The following CLNK variants were observed in gnomAD, a reference collection of about 807,000 sequenced individuals.
The protein encoded by CLNK is cytokine-dependent hematopoietic cell linker.
CLNK carries 74 observed loss-of-function variants against 68.6 expected under a neutral mutation model. The observed-to-expected ratio is 1.08, with a 90% confidence interval of 0.89 to 1.31. The LOEUF (loss-of-function observed/expected upper bound fraction) is 1.31. CLNK is among the 50% of genes most tolerant of loss of function. CLNK has a pLI of 0.00. For missense variants in CLNK, 553 were observed against 515.3 expected (o/e 1.07, Z -0.71); for synonymous variants, 198 against 172.2 (o/e 1.15, Z -1.17).
At chr4:10,730,102 T>C in the CLNK span, among the ~76,000 whole-genome samples, 1 of 152,202 alleles carries the variant, frequency 6.6e-6, no homozygotes, top group African/African-American at 2.4e-5. Flanking sequence ...GTGTTGGCAG[T>C]GGCTGTGGGG....
intron 2 of CLNK, among the ~76,000 whole-genome samples, chr4:10,665,839 T>G (rs1724376151): frequency 6.6e-6 from 1 of 152,062 alleles, no homozygotes; most frequent in Admixed American, 6.6e-5. Flanking sequence ...GACTGAATGG[T>G]GGCCCTACAA....
intron 2 of CLNK, among the ~76,000 whole-genome samples, chr4:10,627,109 C>A (rs1376539955): frequency 6.6e-6 from 1 of 152,116 alleles, no homozygotes; most frequent in African/African-American, 2.4e-5. Flanking sequence ...TTTCCTTTTT[C>A]TTTGAAGCTG....
chr4:10,520,509 G>A (rs1005965960), intron 15 of CLNK, among the ~76,000 whole-genome samples: 1 of 152,182 alleles, frequency 6.6e-6, no homozygotes, highest in African/African-American at 2.4e-5. Flanking sequence ...AGCAATTTCA[G>A]TCTTATGAAG....
intron 2 of CLNK, among the ~76,000 whole-genome samples, chr4:10,633,957 G>A (rs1315856659): frequency 6.6e-6 from 1 of 152,174 alleles, no homozygotes; most frequent in African/African-American, 2.4e-5. Context: ...CAACTAGTGA[G>A]GTCAGAATGA....
the CLNK span, among the ~76,000 whole-genome samples, chr4:10,719,986 G>GA: frequency 9.3e-5 from 14 of 150,208 alleles, no homozygotes; most frequent in East Asian, 7.8e-4. Flanking sequence ...CGTGGAAATT[G>GA]AAAAAAAAAT....
the CLNK span, among the ~76,000 whole-genome samples, chr4:10,699,285 C>CACACACACACACCACGTATGTGT: frequency 4.3e-5 from 2 of 46,194 alleles, 1 homozygote; most frequent in South Asian, 1.6e-3. Context: ...ACACCACATA[C>CACACACACACACCACGTATGTGT]GTGTATACAC....
the CLNK span, among the ~76,000 whole-genome samples, chr4:10,690,149 G>A: frequency 1.3e-5 from 2 of 152,176 alleles, no homozygotes; most frequent in Middle Eastern, 3.4e-3. Context: ...AAATAAACAC[G>A]GTTGGCATTC....
intron 8 of CLNK, among the ~76,000 whole-genome samples, chr4:10,557,508 G>A (rs1347973955): frequency 6.6e-6 from 1 of 152,184 alleles, no homozygotes; most frequent in African/African-American, 2.4e-5. Context: ...TGTGCTCCTT[G>A]TAGTTTTCAG....
chr4:10,586,190 G>A (rs934016832), intron 3 of CLNK, among the ~76,000 whole-genome samples: 1 of 152,118 alleles, frequency 6.6e-6, no homozygotes, highest in African/African-American at 2.4e-5. Context: ...GACCAGTACT[G>A]GTTCGTGGCC....
intron 8 of CLNK, among the ~76,000 whole-genome samples, chr4:10,549,888 T>C (rs763827777): frequency 3.3e-5 from 5 of 152,240 alleles, no homozygotes; most frequent in South Asian, 2.1e-4. Context: ...CAGAGACTCA[T>C]TGGCTTTGCA....
intron 12 of CLNK, among the ~76,000 whole-genome samples, chr4:10,530,887 G>A (rs1159619461): frequency 6.6e-6 from 1 of 152,180 alleles, no homozygotes; most frequent in Non-Finnish European, 1.5e-5. Flanking sequence ...TCCCAGAAGA[G>A]CATGAGCCTG....
At chr4:10,707,441 C>A in the CLNK span, among the ~76,000 whole-genome samples, 6 of 152,170 alleles carry the variant, frequency 3.9e-5, no homozygotes, top group Admixed American at 6.5e-5. Context: ...TCAGGTATTC[C>A]TTTATAGTAA....
chr4:10,597,538 G>A (rs1039233104), intron 3 of CLNK, among the ~76,000 whole-genome samples: 5 of 152,196 alleles, frequency 3.3e-5, no homozygotes, highest in Non-Finnish European at 1.5e-5. Context: ...CTCAGCAAAT[G>A]TTATTCTCAA....
rs776095194 is a variant in CLNK at position 10,571,774 on chromosome 4, C to T, written c.117G>A (p.Gln39=). ...SWPRINSATG[Q]YQRMNKPLLD... ...GAAGAGGCTTGTTCATCCTCTGGTA[C>T]TGGCCTGCCAACACAAACAGACCGA... The change falls in exon 5 of 19, where the codon CAG becomes CAA. Residue 39 remains glutamine (Q), a synonymous_variant. Coordinates refer to ENST00000226951, the MANE Select transcript of CLNK (RefSeq NM_052964.4). 5.6e-6 allele frequency: 9 copies of T among 1,612,664 alleles called. No homozygotes were observed. In the East Asian group the frequency reaches 1.1e-4, roughly 20 times the overall value.
At chr4:10,725,302 C>T in the CLNK span, among the ~76,000 whole-genome samples, 1 of 152,224 alleles carries the variant, frequency 6.6e-6, no homozygotes, top group African/African-American at 2.4e-5. Flanking sequence ...CCAGGGCTCA[C>T]ATCTTTGCAT....
chr4:10,723,273 C>G, the CLNK span, among the ~76,000 whole-genome samples: 1 of 152,158 alleles, frequency 6.6e-6, no homozygotes, highest in African/African-American at 2.4e-5. Flanking sequence ...TGCTTACGAT[C>G]CGTGCTTCCA....
chr4:10,691,322 G>A, the CLNK span, among the ~76,000 whole-genome samples: 1 of 152,068 alleles, frequency 6.6e-6, no homozygotes, highest in Admixed American at 6.6e-5. Context: ...GCAATACTAA[G>A]GACCCACCTT....
At chr4:10,689,745 A>AT (rs71651341), upstream of CLNK, among the ~76,000 whole-genome samples, 2,293 of 100,074 alleles carry the variant, frequency 0.023, 124 homozygotes, top group African/African-American at 0.067. Flanking sequence ...AAACCCATGC[A>AT]TTTTTTTTTT....
intron 14 of CLNK, among the ~76,000 whole-genome samples, chr4:10,524,902 G>A (rs1718239816): frequency 6.6e-6 from 1 of 152,144 alleles, no homozygotes; most frequent in Non-Finnish European, 1.5e-5. Context: ...ATCTGACGAG[G>A]CTGCAGTGCC....
Sources: gnomAD v4.1 joint callset for allele counts (sites outside exome capture counted in the v4.1 genomes callset) on GRCh38, gnomAD v4.1.1 for gene constraint, MANE v1.5 for transcripts, NCBI Gene and HGNC (gene_info 2026-07-23, HGNC 2026-07-21) for gene names.